HIVEP3: variants seen among roughly 807,000 people sequenced by gnomAD.
The protein encoded by HIVEP3 is HIVEP zinc finger 3.
In HIVEP3, 49 loss-of-function variants were observed where a neutral mutation model predicts 152.8. The ratio of observed to expected loss-of-function variants is 0.32; its 90% CI spans 0.26 to 0.41. The LOEUF is 0.41. Among genes scored for constraint, HIVEP3 ranks in the 10% least tolerant of loss-of-function variants. HIVEP3 has a pLI of 1.00. For synonymous variants in HIVEP3, 1,269 were observed against 1,289.0 expected, an observed-to-expected ratio of 0.98 and a Z score of 0.33; for missense variants, 2,790 against 3,103.3, an observed-to-expected ratio of 0.90 and a Z score of 2.40.
chr1:41,695,673 G>A (rs1646262722), intron 2 of HIVEP3, among the ~76,000 whole-genome samples: 1 of 152,150 alleles, frequency 6.6e-6, no homozygotes, highest in African/African-American at 2.4e-5. Flanking sequence ...GTCAGGTGAG[G>A]GCATATGGGC....
intron 3 of HIVEP3, among the ~76,000 whole-genome samples, chr1:41,622,729 C>T (rs145146004): frequency 1.3e-5 from 2 of 152,242 alleles, no homozygotes; most frequent in Non-Finnish European, 2.9e-5. Context: ...TTGTGTTTCA[C>T]GTTTCTATCA....
chr1:41,966,774 C>T (rs1645201172), intron 1 of HIVEP3, among the ~76,000 whole-genome samples: 1 of 151,770 alleles, frequency 6.6e-6, no homozygotes, highest in African/African-American at 2.4e-5. Context: ...AGCCACCATG[C>T]CTGGCCCAGT....
In HIVEP3 at chr1:42,020,420, T is replaced by C. The variant is rs1389978234; in HGVS notation, n.119+15387A>G. ...TAGCTCTATTCAGGTTTTCTATTTT[T>C]ACTTGTGTTAGCTTTGGTATATCAG... On this transcript the variant is annotated intron_variant and non_coding_transcript_variant, in intron 1 of 3. Transcript: ENST00000489103. Among the ~76,000 whole-genome samples the C allele has an allele frequency of 2.6e-5, 4 of 152,282 alleles. No homozygotes were observed. The South Asian group carries it at 6.2e-4, about 24-fold the overall frequency.
chr1:41,625,162 C>CAAAAAAAAAAA (rs59268661), intron 3 of HIVEP3, among the ~76,000 whole-genome samples: 1 of 71,230 alleles, frequency 1.4e-5, no homozygotes, highest in Non-Finnish European at 2.5e-5. Flanking sequence ...GATTCCAACT[C>CAAAAAAAAAAA]AAAAAAAAAA....
intron 1 of HIVEP3, among the ~76,000 whole-genome samples, chr1:41,879,324 C>T (rs1644224699): frequency 6.6e-6 from 1 of 152,196 alleles, no homozygotes; most frequent in Non-Finnish European, 1.5e-5. Context: ...TACTAGGCAT[C>T]CCTCCATCGT....
intron 2 of HIVEP3, among the ~76,000 whole-genome samples, chr1:41,653,346 C>T (rs987364941): frequency 6.6e-6 from 1 of 152,104 alleles, no homozygotes; most frequent in African/African-American, 2.4e-5. Flanking sequence ...ACAACCCTCA[C>T]ACACACATAC....
intron 1 of HIVEP3, among the ~76,000 whole-genome samples, chr1:41,940,854 AG>A (rs1251618757): frequency 6.7e-6 from 1 of 149,500 alleles, no homozygotes; most frequent in Non-Finnish European, 1.5e-5. Flanking sequence ...GAGGAGAGAG[AG>A]GGGGAGGACA....
intron 5 of HIVEP3, among the ~76,000 whole-genome samples, chr1:41,563,436 T>C (rs960374459): frequency 1.3e-5 from 2 of 152,142 alleles, no homozygotes; most frequent in African/African-American, 4.8e-5. Flanking sequence ...CCCCTCCTTC[T>C]TCCCCTCCTC....
chr1:41,788,520 C>A (rs1049679029), intron 1 of HIVEP3, among the ~76,000 whole-genome samples: 1 of 152,216 alleles, frequency 6.6e-6, no homozygotes, highest in Non-Finnish European at 1.5e-5. Flanking sequence ...CCCTCCCAGC[C>A]GGGATCAAAG....
At chr1:41,621,343 A>G (rs970452345) in intron 3 of HIVEP3, among the ~76,000 whole-genome samples, 1 of 152,220 alleles carries the variant, frequency 6.6e-6, no homozygotes, top group African/African-American at 2.4e-5. Flanking sequence ...ATTCTGGCTC[A>G]CAGGATAAAG....
chr1:41,622,811 C>T (rs1050817369), intron 3 of HIVEP3, among the ~76,000 whole-genome samples: 1 of 152,162 alleles, frequency 6.6e-6, no homozygotes, highest in African/African-American at 2.4e-5. Context: ...GAGGCTGGTA[C>T]AGTTTTCCAG....
At chr1:41,852,421 G>A (rs573106949) in intron 1 of HIVEP3, among the ~76,000 whole-genome samples, 3 of 152,334 alleles carry the variant, frequency 2.0e-5, no homozygotes, top group African/African-American at 7.2e-5. Context: ...CCTCACTTTT[G>A]GCCCAAATGC....
At chr1:41,764,024 A>G (rs1026432224) in intron 1 of HIVEP3, among the ~76,000 whole-genome samples, 2 of 152,170 alleles carry the variant, frequency 1.3e-5, no homozygotes, top group African/African-American at 4.8e-5. Context: ...GCTGGAGAGC[A>G]GACAAGCACA....
chr1:41,792,922 CT>C (rs1649781152), intron 1 of HIVEP3, among the ~76,000 whole-genome samples: 1 of 152,210 alleles, frequency 6.6e-6, no homozygotes, highest in African/African-American at 2.4e-5. Context: ...AAGCTGTATC[CT>C]TCAAGGGCAA....
intron 1 of HIVEP3, among the ~76,000 whole-genome samples, chr1:41,978,687 C>A (rs1487186924): frequency 6.6e-6 from 1 of 152,210 alleles, no homozygotes; most frequent in Non-Finnish European, 1.5e-5. Context: ...AGCAAAGGAG[C>A]AGCCACTCAG....
At chr1:41,603,997 C>G (rs948717990) in intron 3 of HIVEP3, among the ~76,000 whole-genome samples, 4 of 152,202 alleles carry the variant, frequency 2.6e-5, no homozygotes, top group Admixed American at 1.3e-4. Flanking sequence ...AACACATTCA[C>G]CATAACAGCT....
chr1:41,647,019 T>C (rs915116544), intron 2 of HIVEP3, among the ~76,000 whole-genome samples: 3 of 152,174 alleles, frequency 2.0e-5, no homozygotes, highest in African/African-American at 7.2e-5. Context: ...TTTCTCACAC[T>C]GCAACCTCCT....
At chr1:41,980,185 T>TG (rs1204689339) in intron 1 of HIVEP3, among the ~76,000 whole-genome samples, 1 of 152,198 alleles carries the variant, frequency 6.6e-6, no homozygotes, top group African/African-American at 2.4e-5. Context: ...AAACTTACCC[T>TG]GGGACCCAGG....
intron 5 of HIVEP3, among the ~76,000 whole-genome samples, chr1:41,563,689 T>C (rs1280196644): frequency 6.6e-6 from 1 of 152,146 alleles, no homozygotes; most frequent in Non-Finnish European, 1.5e-5. Context: ...GGCTATCAGA[T>C]GTCTGAGAAA....
Sources: gnomAD v4.1 joint callset for allele counts (sites outside exome capture counted in the v4.1 genomes callset) on GRCh38, gnomAD v4.1.1 for gene constraint, MANE v1.5 for transcripts, NCBI Gene and HGNC (gene_info 2026-07-23, HGNC 2026-07-21) for gene names.